The following AP2B1 variants were observed in gnomAD, a reference collection of about 807,000 sequenced individuals.
The protein encoded by AP2B1 is AP-2 complex subunit beta.
AP2B1 carries 23 observed loss-of-function variants against 102.0 expected under a neutral mutation model. The observed-to-expected ratio is 0.23, with a 90% CI of 0.16 to 0.32. The LOEUF is 0.32. Ranked by LOEUF, AP2B1 falls within the 10% of genes least tolerant of loss-of-function variation. The probability of loss-of-function intolerance (pLI) is 1.00; values close to 1 mark genes in which losing one functional copy is unlikely to be tolerated. For synonymous variants in AP2B1, 381 were observed against 421.2 expected, an observed-to-expected ratio of 0.90 and a Z score of 1.17; for missense variants, 541 against 1,157.4, an observed-to-expected ratio of 0.47 and a Z score of 7.73.
chr17:35,694,361 A>C (rs1185118837), intron 18 of AP2B1, among the ~76,000 whole-genome samples: 2 of 148,760 alleles, frequency 1.3e-5, no homozygotes, highest in Non-Finnish European at 3.0e-5. Flanking sequence ...TTCCCACCTT[A>C]GCCTCCCAAG....
At chr17:35,609,490 G>T (rs1039073844) in intron 5 of AP2B1, among the ~76,000 whole-genome samples, 3 of 152,104 alleles carry the variant, frequency 2.0e-5, no homozygotes, top group African/African-American at 7.2e-5. Flanking sequence ...GGGACTACAG[G>T]CGCCTGCCAC....
At chr17:35,627,890 T>C (rs1291456179) in intron 9 of AP2B1, among the ~76,000 whole-genome samples, 164 bp downstream of exon 9, 2 of 152,210 alleles carry the variant, frequency 1.3e-5, no homozygotes, top group African/African-American at 4.8e-5. Flanking sequence ...CTCCCTTCCC[T>C]ACCTAGACTT....
chr17:35,634,497 ATCTC>A (rs1475618010), intron 9 of AP2B1, among the ~76,000 whole-genome samples: 1 of 152,152 alleles, frequency 6.6e-6, no homozygotes, highest in Non-Finnish European at 1.5e-5. Context: ...CTGTTCTGGT[ATCTC>A]TCTCTTTTAA....
At chr17:35,717,711 T>C (rs777288493) in intron 21 of AP2B1, among the ~76,000 whole-genome samples, 1 of 152,254 alleles carries the variant, frequency 6.6e-6, no homozygotes, top group Non-Finnish European at 1.5e-5. Context: ...ACATAGTTAA[T>C]GTCCAGAAGA....
At chr17:35,679,269 G>A (rs924893879) in intron 17 of AP2B1, among the ~76,000 whole-genome samples, 9 of 152,002 alleles carry the variant, frequency 5.9e-5, no homozygotes, top group African/African-American at 1.9e-4. Flanking sequence ...GCTGATCTTT[G>A]CCTTCAAGCC....
At chr17:35,596,350 G>T (rs73281560) in intron 2 of AP2B1, among the ~76,000 whole-genome samples, 2,611 of 152,260 alleles carry the variant, frequency 0.017, 75 homozygotes, top group African/African-American at 0.06. Flanking sequence ...TTCTTGCTAT[G>T]CTACTTTTGT....
At chr17:35,642,895 A>G (rs1478728653) in intron 12 of AP2B1, among the ~76,000 whole-genome samples, 1 of 152,182 alleles carries the variant, frequency 6.6e-6, no homozygotes, top group African/African-American at 2.4e-5. Flanking sequence ...CTCTGCCTGA[A>G]GCAAAGCAAT....
chr17:35,709,793 T>C (rs2076411667), intron 19 of AP2B1, among the ~76,000 whole-genome samples: 2 of 149,636 alleles, frequency 1.3e-5, no homozygotes, highest in Admixed American at 1.3e-4. Context: ...GAACTCCCGA[T>C]GTGCCTATTG....
At chr17:35,609,814 GCTGT>G (rs2082286783) in intron 5 of AP2B1, among the ~76,000 whole-genome samples, 1 of 152,162 alleles carries the variant, frequency 6.6e-6, no homozygotes, top group Admixed American at 6.5e-5. Flanking sequence ...GGACATAGAT[GCTGT>G]CTCTCATTTG....
chr17:35,646,755 AT>A (rs1222541976), intron 12 of AP2B1, among the ~76,000 whole-genome samples: 1 of 151,704 alleles, frequency 6.6e-6, no homozygotes, highest in Non-Finnish European at 1.5e-5. Flanking sequence ...TGCCTGGCTA[AT>A]TTTTGTACCC....
At chr17:35,690,039 A>G (rs587619758) in intron 18 of AP2B1, among the ~76,000 whole-genome samples, 3 of 152,110 alleles carry the variant, frequency 2.0e-5, no homozygotes, top group East Asian at 3.9e-4. Context: ...CTGCCTCATT[A>G]TGTCTCTTCT....
chr17:35,659,782 G>A (rs1169449807), intron 14 of AP2B1: 1 of 985,064 alleles, frequency 1.0e-6, no homozygotes, highest in Non-Finnish European at 1.2e-6. Context: ...ATTGTTTACA[G>A]TGCAGTTTTC....
chr17:35,603,981 G>T (rs2073575291), intron 3 of AP2B1, among the ~76,000 whole-genome samples: 1 of 152,226 alleles, frequency 6.6e-6, no homozygotes, highest in Non-Finnish European at 1.5e-5. Flanking sequence ...ATACGTGAAG[G>T]ATATAGATTT....
At chr17:35,694,461 A>C (rs371901089) in intron 18 of AP2B1, among the ~76,000 whole-genome samples, 1 of 124,492 alleles carries the variant, frequency 8.0e-6, no homozygotes, top group South Asian at 2.4e-4. Context: ...AGGTCTGGCT[A>C]TGTTTCCCAG....
chr17:35,683,973 A>G (rs964673764), intron 18 of AP2B1, among the ~76,000 whole-genome samples: 4 of 152,258 alleles, frequency 2.6e-5, no homozygotes, highest in Non-Finnish European at 5.9e-5. Context: ...TCAATGCCAT[A>G]GATGAGTTAT....
rs775484633 is a variant in AP2B1, at chr17:35,626,632, G to A, written c.728G>A (p.Arg243Gln). 3.7e-6 allele frequency: 6 copies of A among 1,610,400 alleles called. No individual in the cohort carries two copies. The highest frequency in any genetic ancestry group is 5.1e-6 in the Non-Finnish European group (6 of 1,177,662). Residue 243 changes from arginine to glutamine, a missense_variant, in exon 7 of 22, where the codon CGG becomes CAG. Around this residue, in one of 10 missense-constraint regions of AP2B1, gnomAD observed 134 missense variants for 250.2 expected, o/e 0.54. Transcript: ENST00000610402. ...DDREAQSICE[R>Q]VTPRLSHANS... ...TTCTCCACCCTCAGCATCTGTGAGC[G>A]GGTAACTCCCCGGCTATCCCATGCC...
chr17:35,648,766 G>GTGTGTA (rs1567897311), intron 12 of AP2B1, among the ~76,000 whole-genome samples: 1 of 147,718 alleles, frequency 6.8e-6, no homozygotes, highest in African/African-American at 2.5e-5. Flanking sequence ...GTGTGTGTGT[G>GTGTGTA]TGTGTGTGAC....
chr17:35,623,884 C>T (rs1346907560), intron 5 of AP2B1, among the ~76,000 whole-genome samples: 1 of 152,162 alleles, frequency 6.6e-6, no homozygotes, highest in Non-Finnish European at 1.5e-5. Flanking sequence ...ATTACATATT[C>T]TCTCAGCATT....
chr17:35,653,309 A>T (rs2075135133), intron 13 of AP2B1, among the ~76,000 whole-genome samples: 1 of 152,162 alleles, frequency 6.6e-6, no homozygotes, highest in Non-Finnish European at 1.5e-5. Context: ...TGCAGCTAGT[A>T]ATTAATGGAG....
Sources: allele counts gnomAD v4.1 joint callset (sites outside exome capture counted in the v4.1 genomes callset), GRCh38; gene constraint gnomAD v4.1.1; regional missense constraint gnomAD v4.1.1; transcripts MANE v1.5; gene names NCBI Gene and HGNC (gene_info 2026-07-23, HGNC 2026-07-21).